FRMD7: variants seen among roughly 807,000 people sequenced by gnomAD.
FRMD7 encodes FERM domain containing 7, also known as FERM domain-containing protein 7.
In FRMD7, 14 loss-of-function variants were observed where a neutral mutation model predicts 44.1. The observed-to-expected ratio is 0.32, with a 90% CI of 0.21 to 0.50. The LOEUF is 0.50. Ranked by LOEUF, FRMD7 falls within the 20% of genes least tolerant of loss-of-function variation. FRMD7 has a pLI of 0.99. For missense variants in FRMD7, 501 were observed against 522.3 expected, an observed-to-expected ratio of 0.96 and a Z score of 0.40; for synonymous variants, 212 against 187.4, an observed-to-expected ratio of 1.13 and a Z score of -1.07.
chrX:132,083,694 C>T (rs1486941468), intron 8 of FRMD7, among the ~76,000 whole-genome samples: 2 of 112,393 alleles, frequency 1.8e-5, no homozygotes, highest in East Asian at 5.5e-4. Context: ...CTAAGTGGCT[C>T]ATGCCTGGTA....
At chrX:132,126,839 G>A (rs1252070161) in intron 1 of FRMD7, among the ~76,000 whole-genome samples, 1 of 111,833 alleles carries the variant, frequency 8.9e-6, no homozygotes, top group Admixed American at 9.5e-5. Context: ...CAGCAAAACA[G>A]CAGATGAAGA....
intron 1 of FRMD7, among the ~76,000 whole-genome samples, chrX:132,113,842 A>AGTCACCTTGTT (rs1569347958): frequency 9.0e-6 from 1 of 111,371 alleles, no homozygotes; most frequent in Non-Finnish European, 1.9e-5. Context: ...TATTGACTAT[A>AGTCACCTTGTT]GTCACCTTGT....
chrX:132,085,921 T>C lies in FRMD7; in HGVS notation c.496A>G (p.Ile166Val). The C allele has an allele frequency of 1.7e-6, 2 of 1,176,985 alleles. No homozygotes were observed. Among genetic ancestry groups the C allele is most frequent in the Non-Finnish European group, 2.3e-6 (2 of 863,681 alleles). The change falls in exon 6 of 12, where the codon ATT becomes GTT. Residue 166 changes from isoleucine to valine, a missense_variant and splice_region_variant. Physicochemically the swap from Ile to Val is conservative, Grantham distance 29. Around this residue, in one of 3 missense-constraint regions of FRMD7, gnomAD observed 453 missense variants for 452.7 expected, o/e 1.00. Transcript: ENST00000298542. ...CAGGTGCCAGCTGAAAGTACTTACA[T>C]GTGCTTCTGATGAAAGTGCATGATC... ...GKIMHFHQKH[I>V]GRSPAESDIL...
intron 1 of FRMD7, among the ~76,000 whole-genome samples, chrX:132,114,083 C>G (rs1261426033): frequency 9.0e-6 from 1 of 110,620 alleles, no homozygotes; most frequent in South Asian, 3.9e-4. Flanking sequence ...TCCCTTTTCT[C>G]ACTTGCTCCC....
chrX:132,107,104 A>T (rs960087904), intron 1 of FRMD7, among the ~76,000 whole-genome samples: 1 of 112,247 alleles, frequency 8.9e-6, no homozygotes, highest in African/African-American at 3.2e-5. Context: ...AGACTATACA[A>T]TTAAGGTTTC....
At chrX:132,103,494 A>G (rs1463972192) in intron 1 of FRMD7, among the ~76,000 whole-genome samples, 3 of 87,923 alleles carry the variant, frequency 3.4e-5, no homozygotes, top group Non-Finnish European at 7.4e-5. Context: ...ATGTCTATCT[A>G]TCTATCTATC....
At chrX:132,115,328 A>G (rs1928873558) in intron 1 of FRMD7, among the ~76,000 whole-genome samples, 1 of 112,279 alleles carries the variant, frequency 8.9e-6, no homozygotes, top group Non-Finnish European at 1.9e-5. Flanking sequence ...TGGTGGCTCT[A>G]TTTTTAGGGT....
At chrX:132,116,258 T>C (rs1928895286) in intron 1 of FRMD7, among the ~76,000 whole-genome samples, 1 of 112,151 alleles carries the variant, frequency 8.9e-6, no homozygotes, top group Non-Finnish European at 1.9e-5. Flanking sequence ...ATTCAACAAC[T>C]ATTGCTTGCC....
intron 1 of FRMD7, among the ~76,000 whole-genome samples, chrX:132,105,187 C>A (rs1172884120): frequency 9.0e-6 from 1 of 111,288 alleles, no homozygotes; most frequent in African/African-American, 3.3e-5. Flanking sequence ...GGAAGAAAGA[C>A]AAAAGGGAAT....
intron 1 of FRMD7, among the ~76,000 whole-genome samples, chrX:132,112,729 C>G: frequency 9.0e-6 from 1 of 111,066 alleles, no homozygotes; most frequent in African/African-American, 3.3e-5. Context: ...ACCACCACCC[C>G]CTATATCCAC....
chrX:132,121,986 G>C (rs906368801), intron 1 of FRMD7, among the ~76,000 whole-genome samples: 4 of 111,422 alleles, frequency 3.6e-5, no homozygotes, highest in Non-Finnish European at 5.7e-5. Context: ...ATGCAAAAAG[G>C]CAGGGTAAAT....
rs142654968 is a variant in FRMD7, at chrX:132,091,820, G to A, written c.382+2222C>T. On this transcript the variant is annotated intron_variant, in intron 5 of 11. Coordinates refer to ENST00000298542, the MANE Select transcript of FRMD7 (RefSeq NM_194277.3). ...ACTGCACTCCAGCCTGGCTGATAGC[G>A]TGAGACCCCATCTCAAAAAATAATA... Among the ~76,000 whole-genome samples the A allele has an allele frequency of 4.7e-3, 524 of 111,413 alleles. 5 individuals are homozygous for A. The highest frequency in any genetic ancestry group is 0.017 in the African/African-American group (507 of 30,655).
At chrX:132,126,773 C>A in intron 1 of FRMD7, among the ~76,000 whole-genome samples, 1 of 112,052 alleles carries the variant, frequency 8.9e-6, no homozygotes, top group Admixed American at 9.5e-5. Flanking sequence ...AAAAACAAAT[C>A]ATTCAGGTCC....
intron 1 of FRMD7, 33 bp from the exon 2 acceptor site, chrX:132,100,749 G>C (rs756591874): frequency 1.0e-6 from 1 of 1,000,826 alleles, no homozygotes. Flanking sequence ...AGCACAATTT[G>C]CATTCCTAAC....
At chrX:132,118,107 A>G (rs1356850240) in intron 1 of FRMD7, among the ~76,000 whole-genome samples, 1 of 110,899 alleles carries the variant, frequency 9.0e-6, no homozygotes, top group Non-Finnish European at 1.9e-5. Flanking sequence ...AAAGAATTAT[A>G]TGAACCCAAA....
intron 11 of FRMD7, among the ~76,000 whole-genome samples, chrX:132,079,700 GA>G (rs1927744874): frequency 8.9e-6 from 1 of 111,749 alleles, no homozygotes; most frequent in African/African-American, 3.3e-5. Context: ...TAAAAAGATG[GA>G]GCTTTCAGTT....
chrX:132,085,118 A>G (rs1310615298), intron 7 of FRMD7, among the ~76,000 whole-genome samples: 2 of 111,155 alleles, frequency 1.8e-5, no homozygotes, highest in African/African-American at 3.3e-5. Flanking sequence ...TGCCTTCCAC[A>G]TAGTCAAGCC....
Position 132,078,212 on chromosome X carries a change from G to T in FRMD7, c.1805C>A (p.Pro602His), listed in dbSNP as rs746083026. 8.3e-7 allele frequency: 1 copy of T among 1,211,549 alleles called. No homozygotes were observed. The highest frequency in any genetic ancestry group is 2.2e-5 in the Admixed American group (1 of 46,040). ...TAAAGGTCTAAATTCTGACCCAAAA[G>T]GAAAACGAATAGTTTTCATGTCTGA... is the stretch of plus-strand genomic sequence containing the variant. ...SQSDMKTIRF[P>H]FGSEFRPLGP... The change falls in exon 12 of 12, where the codon CCT (proline) becomes CAT (histidine). Residue 602 changes from proline to histidine, a missense_variant. Transcript: ENST00000298542.
chrX:132,085,883 C>T lies in FRMD7; in HGVS notation c.497+37G>A, dbSNP rs200724705. On this transcript the variant is annotated intron_variant, in intron 6 of 11. Transcript: ENST00000298542. ...AGTCTGTCCCCAATTTTAGTGTTCTCTACTGGGGGAAGCAGGTGCCAGCTG... is the reference window on the plus strand; with the variant it reads ...AGTCTGTCCCCAATTTTAGTGTTCTTTACTGGGGGAAGCAGGTGCCAGCTG... The T allele has an allele frequency of 1.2e-4, 125 of 1,048,131 alleles. 1 individual carries two copies. The Admixed American group carries it at 2.7e-3, about 22-fold the overall frequency. The allele number at this position is 1,048,131 out of a possible 1,213,427, so 86.4% of individuals were successfully genotyped here.
Sources: allele counts gnomAD v4.1 joint callset (sites outside exome capture counted in the v4.1 genomes callset), GRCh38; gene constraint gnomAD v4.1.1; regional missense constraint gnomAD v4.1.1; transcripts MANE v1.5; gene names NCBI Gene and HGNC (gene_info 2026-07-23, HGNC 2026-07-21).